Variants in IGSF3 observed in about 807,000 individuals in gnomAD.
IGSF3 encodes the protein glu-Trp-Ile EWI motif-containing protein 3.
A neutral mutation model predicts 114.4 loss-of-function variants in IGSF3; 23 were observed. The ratio of observed to expected loss-of-function variants is 0.20; its 90% CI spans 0.14 to 0.28. The LOEUF is 0.28. Ranked by LOEUF, IGSF3 falls within the 10% of genes least tolerant of loss-of-function variation. The probability of loss-of-function intolerance (pLI) is 1.00; values close to 1 mark genes in which losing one functional copy is unlikely to be tolerated. For synonymous variants in IGSF3, 571 were observed against 645.2 expected, an observed-to-expected ratio of 0.88 and a Z score of 1.74; for missense variants, 1,172 against 1,591.5, an observed-to-expected ratio of 0.74 and a Z score of 4.48.
chr1:116,613,907 G>T lies in IGSF3; in HGVS notation c.690C>A (p.Arg230=). The change falls in exon 4 of 11, where the codon CGC becomes CGA. Residue 230 remains arginine (R), a synonymous_variant. Coordinates refer to ENST00000369486, the MANE Select transcript of IGSF3 (RefSeq NM_001007237.3). The part of the protein sequence containing the change: ...RLDKLGRTTF[R]LTIFHLQPSD... ...AAGGCTGCAGGTGGAAGATGGTGAGGCGGAAGGTGGTCCTCCCCAGCTTGT... is the reference window on the plus strand; with the variant it reads ...AAGGCTGCAGGTGGAAGATGGTGAGTCGGAAGGTGGTCCTCCCCAGCTTGT... 6.2e-7 allele frequency: 1 copy of T among 1,613,936 alleles called. No homozygotes were observed. The highest frequency in any genetic ancestry group is 8.5e-7 in the Non-Finnish European group (1 of 1,179,858).
Position 116,657,821 on chromosome 1 carries a change from A to T in IGSF3, c.43+8463T>A, listed in dbSNP as rs1240161924. Among the ~76,000 whole-genome samples the T allele has an allele frequency of 6.6e-6, 1 of 152,188 alleles. No homozygotes were observed. Among genetic ancestry groups the T allele is most frequent in the African/African-American group, 2.4e-5 (1 of 41,438 alleles). On this transcript the variant is annotated intron_variant, in intron 2 of 10. Coordinates refer to ENST00000369486, the MANE Select transcript of IGSF3 (RefSeq NM_001007237.3). This position sits in a 1 kb window ranked among gnomAD's most constrained non-coding sequence, Gnocchi z 4.2. ...GACAATGGGTCACATGCAAAAACAG[A>T]ATTAAATACACAAAAATAGCACCAA... is the stretch of plus-strand genomic sequence containing the variant.
chr1:116,577,273 A>C lies in IGSF3; in HGVS notation c.*39T>G, dbSNP rs761612038. The C allele has an allele frequency of 6.2e-7, 1 of 1,606,618 alleles. No homozygotes were observed. The highest frequency in any genetic ancestry group is 1.1e-5 in the South Asian group (1 of 90,538). On this transcript the variant is annotated 3_prime_UTR_variant, in exon 11 of 11. Transcript: ENST00000369486. This position sits in a 1 kb window ranked among gnomAD's most constrained non-coding sequence, Gnocchi z 5.7. ...CAATCACAGAGAAAGGGAGAGCCTC[A>C]GCTCCTCCGTGGCCAACATCCGCTG...
intron 7 of IGSF3, among the ~76,000 whole-genome samples, chr1:116,590,831 G>A (rs1333638429): frequency 6.6e-6 from 1 of 152,030 alleles, no homozygotes; most frequent in Non-Finnish European, 1.5e-5. Flanking sequence ...GTAACACACA[G>A]ACAAATGTTC....
chr1:116,608,059 C>G lies in IGSF3; in HGVS notation c.1105G>C (p.Glu369Gln), dbSNP rs934528239. 1.9e-6 allele frequency: 3 copies of G among 1,613,832 alleles called. No homozygotes were observed. The highest frequency in any genetic ancestry group is 1.7e-5 in the Admixed American group (1 of 59,998). ...FVLKIYHLRQ[E>Q]DSGKYNCRVT... ...CGGCAGTTGTATTTCCCGCTATCTT[C>G]CTGGCGGAGGTGGTAGATCTTCAGC... Residue 369 changes from glutamate to glutamine, a missense_variant, in exon 5 of 11, where the codon GAA becomes CAA. This residue lies in a region of IGSF3 where 736 missense variants were observed against 1,042.0 expected (regional missense o/e 0.71). Transcript: ENST00000369486.
At chr1:116,637,068 C>CTT (rs1196936871) in intron 2 of IGSF3, among the ~76,000 whole-genome samples, 1 of 152,154 alleles carries the variant, frequency 6.6e-6, no homozygotes, top group Admixed American at 6.5e-5. Context: ...TGATCACAGA[C>CTT]TTTTACTCAC....
chr1:116,608,383 G>A (rs747945909), intron 4 of IGSF3, 52 bp from the exon 5 acceptor site: 34 of 1,417,076 alleles, frequency 2.4e-5, no homozygotes, highest in Non-Finnish European at 3.2e-5. Flanking sequence ...GAGGGCCCCA[G>A]CCAACTAAAC....
At position 116,662,322 on chromosome 1, in the gene IGSF3, C is replaced by G. The variant is rs1368508006; in HGVS notation, c.43+3962G>C. Among the ~76,000 whole-genome samples the G allele has an allele frequency of 6.6e-6, 1 of 152,156 alleles. No homozygotes were observed. The highest frequency in any genetic ancestry group is 1.9e-4 in the East Asian group (1 of 5,188). Reference sequence around the variant, plus strand: ...CTGACCTCAAGTGATCCACCCGCCTCAGCCTCCCAAAGTGCTGCGGTTACA... The same window carrying G: ...CTGACCTCAAGTGATCCACCCGCCTGAGCCTCCCAAAGTGCTGCGGTTACA... On this transcript the variant is annotated intron_variant, in intron 2 of 10. Transcript: ENST00000369486. This position sits in a 1 kb window ranked among gnomAD's most constrained non-coding sequence, Gnocchi z 4.3.
rs970223897 is a variant in IGSF3, at chr1:116,651,135, T to G, written c.43+15149A>C. The stretch of plus-strand genomic sequence containing the variant: ...AGCCATAACTGAGCACATCACAGAC[T>G]CACACAAATCTGTGGAATGAGTGCA... On this transcript the variant is annotated intron_variant, in intron 2 of 10. Transcript: ENST00000369486. This position sits in a 1 kb window ranked among gnomAD's most constrained non-coding sequence, Gnocchi z 4.4. Among the ~76,000 whole-genome samples the G allele has an allele frequency of 6.6e-6, 1 of 152,224 alleles. No homozygotes were observed. Among genetic ancestry groups the G allele is most frequent in the Admixed American group, 6.5e-5 (1 of 15,288 alleles).
chr1:116,643,030 C>A (rs183162098), intron 2 of IGSF3, among the ~76,000 whole-genome samples: 11 of 152,340 alleles, frequency 7.2e-5, no homozygotes, highest in African/African-American at 2.6e-4. Context: ...AAAGAGGCTG[C>A]AAAGCTCTAT....
chr1:116,614,176 C>G lies in IGSF3; in HGVS notation c.422-1G>C, dbSNP rs781756549. ...GTGGTCTGCAGGGAGTCTGGGATCA[C>G]TGCAACACAGAAATGTCCTGAGAGT... On this transcript the variant is annotated splice_acceptor_variant, in intron 3 of 10. Coordinates refer to ENST00000369486, the MANE Select transcript of IGSF3 (RefSeq NM_001007237.3). LOFTEE classifies it high-confidence loss of function. The surrounding 1 kb of genome is among the most constrained non-coding windows in gnomAD (Gnocchi z 4.5). 6.2e-7 allele frequency: 1 copy of G among 1,605,696 alleles called. No homozygotes were observed. The highest frequency in any genetic ancestry group is 1.1e-5 in the South Asian group (1 of 90,940).
In IGSF3 at chr1:116,584,712, G is replaced by A. The variant is rs771675115; in HGVS notation, c.2781C>T (p.Pro927=). The A allele has an allele frequency of 1.5e-5, 24 of 1,613,434 alleles. No homozygotes were observed. In the South Asian group the frequency reaches 2.2e-4, roughly 15 times the overall value. Residue 927 remains proline, a synonymous_variant, in exon 9 of 11, where the codon CCC becomes CCT. Transcript: ENST00000369486. The surrounding 1 kb of genome is among the most constrained non-coding windows in gnomAD (Gnocchi z 5.8). ...SCHVEEWLPS[P]SGMWYKRAED... is the part of the protein sequence containing the mutation. ...CTGCCCGCTTATACCACATGCCACT[G>A]GGGCTGGGCAGCCACTCCTCCACAT...
At chr1:116,643,502 T>C (rs1340964008) in intron 2 of IGSF3, among the ~76,000 whole-genome samples, 1 of 152,276 alleles carries the variant, frequency 6.6e-6, no homozygotes, top group Non-Finnish European at 1.5e-5. Flanking sequence ...TTTATTACTG[T>C]CAGCCTGAGG....
In IGSF3 at chr1:116,575,212, G is replaced by A. The variant is rs1659290459; in HGVS notation, c.*2100C>T. 6.6e-6 allele frequency: 1 copy of A among 152,600 alleles called. No homozygotes were observed. Among genetic ancestry groups the A allele is most frequent in the Non-Finnish European group, 1.5e-5 (1 of 68,014 alleles). The allele number at this position is 152,600 out of a possible 1,614,324, so 9.5% of individuals were successfully genotyped here. ...TGAAAGCCCACATCTCTGAAATAAA[G>A]AAATGGGGCAAAAGACCTTCTTTTT... On this transcript the variant is annotated 3_prime_UTR_variant, in exon 11 of 11. Coordinates refer to ENST00000369486, the MANE Select transcript of IGSF3 (RefSeq NM_001007237.3). The surrounding 1 kb of genome is among the most constrained non-coding windows in gnomAD (Gnocchi z 5.6).
rs1363679841 is a variant in IGSF3, at chr1:116,605,675, T to C, written c.1223-1650A>G. Among the ~76,000 whole-genome samples, 1 of 152,134 alleles carries C rather than the reference T, an allele frequency of 6.6e-6. No individual in the cohort carries two copies. The highest frequency in any genetic ancestry group is 6.5e-5 in the Admixed American group (1 of 15,278). ...TTCTTAGGGCATGACATTGAGAGGA[T>C]CAGATGAGGTACTTATTTTTCATCA... On this transcript the variant is annotated intron_variant, in intron 5 of 10. Transcript: ENST00000369486. The surrounding 1 kb of genome is among the most constrained non-coding windows in gnomAD (Gnocchi z 5.1).
At position 116,596,193 on chromosome 1, in the gene IGSF3, T is replaced by C. The variant is rs1660332562; in HGVS notation, c.2029+3748A>G. On this transcript the variant is annotated intron_variant, in intron 7 of 10. Transcript: ENST00000369486. The surrounding 1 kb of genome is among the most constrained non-coding windows in gnomAD (Gnocchi z 4.1). Reference sequence around the variant, plus strand: ...CAAAGAAGCTTGCTGCGATAAATGATATCACAGCAGTGGAAGGCTGATGGT... The same window carrying C: ...CAAAGAAGCTTGCTGCGATAAATGACATCACAGCAGTGGAAGGCTGATGGT... 6.6e-6 allele frequency among the ~76,000 whole-genome samples: 1 copy of C among 152,194 alleles called. No individual in the cohort carries two copies.
Position 116,666,782 on chromosome 1 carries a change from T to C in IGSF3, c.-456A>G, listed in dbSNP as rs1282419175. The C allele has an allele frequency of 1.7e-5, 7 of 413,734 alleles. No homozygotes were observed. The highest frequency in any genetic ancestry group is 3.0e-5 in the Non-Finnish European group (7 of 234,824). 25.6% of individuals were successfully genotyped at this position (413,734 alleles called of 1,614,324 possible). A position where few individuals can be genotyped will look rare whatever the true frequency, so the allele number is the denominator to read the frequency against. ...AACAGGGCAGGTTTCGTCAAAACCT[T>C]TGACGGCCAAATCACCCTGCCTGGC... On this transcript the variant is annotated 5_prime_UTR_variant, in exon 2 of 11. Transcript: ENST00000369486.
rs1571200457 is a variant in IGSF3, at chr1:116,661,736, C to T, written c.43+4548G>A. ...GCAGCTGTCCCCCAAAATCTGTTCT[C>T]TCCTTTCCCTACAGTCATAGAATCC... On this transcript the variant is annotated intron_variant, in intron 2 of 10. Transcript: ENST00000369486. The surrounding 1 kb of genome is among the most constrained non-coding windows in gnomAD (Gnocchi z 4.0). Among the ~76,000 whole-genome samples the T allele has an allele frequency of 6.6e-6, 1 of 152,248 alleles. No individual in the cohort carries two copies. Among genetic ancestry groups the T allele is most frequent in the South Asian group, 2.1e-4 (1 of 4,822 alleles).
At position 116,612,492 on chromosome 1, in the gene IGSF3, A is replaced by G. The variant is rs1232732057; in HGVS notation, c.832+1273T>C. Among the ~76,000 whole-genome samples, 1 of 152,146 alleles carries G rather than the reference A, an allele frequency of 6.6e-6. No homozygotes were observed. Among genetic ancestry groups the G allele is most frequent in the African/African-American group, 2.4e-5 (1 of 41,434 alleles). Reference sequence around the variant, plus strand: ...CCAGGTCCCATCCCAGGAGCCTCCAATTGAAGACTTCTGGGACGAAGCCCC... The same window carrying G: ...CCAGGTCCCATCCCAGGAGCCTCCAGTTGAAGACTTCTGGGACGAAGCCCC... On this transcript the variant is annotated intron_variant, in intron 4 of 10. Coordinates refer to ENST00000369486, the MANE Select transcript of IGSF3 (RefSeq NM_001007237.3). The surrounding 1 kb of genome is among the most constrained non-coding windows in gnomAD (Gnocchi z 4.1).
At chr1:116,611,510 A>G (rs1203675072) in intron 4 of IGSF3, among the ~76,000 whole-genome samples, 2 of 151,978 alleles carry the variant, frequency 1.3e-5, no homozygotes, top group South Asian at 2.1e-4. Flanking sequence ...CCCCGGCTCT[A>G]TATCACTGCA....
Sources: allele counts gnomAD v4.1 joint callset (sites outside exome capture counted in the v4.1 genomes callset), GRCh38; gene constraint gnomAD v4.1.1; regional missense constraint gnomAD v4.1.1; non-coding constraint Gnocchi (gnomAD v3.1); transcripts MANE v1.5; gene names NCBI Gene and HGNC (gene_info 2026-07-23, HGNC 2026-07-21).